The following KCND3 variants were observed in gnomAD, a reference collection of about 807,000 sequenced individuals.
KCND3 encodes the protein A-type voltage-gated potassium channel KCND3.
In KCND3, 9 loss-of-function variants were observed where a neutral mutation model predicts 51.1. The observed-to-expected ratio is 0.18, with a 90% confidence interval of 0.11 to 0.31. The LOEUF (loss-of-function observed/expected upper bound fraction) is 0.31, where lower values mean the gene tolerates loss of function less well. KCND3 is among the 10% of genes least tolerant of loss of function. The pLI, the probability that KCND3 is intolerant of heterozygous loss-of-function variation, is 1.00. For missense variants in KCND3, 526 were observed against 903.8 expected, an observed-to-expected ratio of 0.58 and a Z score of 5.36; for synonymous variants, 349 against 368.0, an observed-to-expected ratio of 0.95 and a Z score of 0.59.
chr1:111,778,964 C>T (rs905656949), intron 5 of KCND3, among the ~76,000 whole-genome samples: 13 of 152,208 alleles, frequency 8.5e-5, no homozygotes, highest in Admixed American at 7.2e-4. Flanking sequence ...TTTACACATT[C>T]CACCCAGCAC....
chr1:111,822,926 C>T (rs1666415501), intron 2 of KCND3, among the ~76,000 whole-genome samples: 1 of 152,202 alleles, frequency 6.6e-6, no homozygotes, highest in African/African-American at 2.4e-5. Flanking sequence ...AACTCTGTAA[C>T]AAGACTATGA....
At chr1:111,961,158 T>C (rs1051660125) in intron 2 of KCND3, among the ~76,000 whole-genome samples, 1 of 152,230 alleles carries the variant, frequency 6.6e-6, no homozygotes, top group East Asian at 1.9e-4. Flanking sequence ...GCCAGGATTC[T>C]GGCTGGCCAC....
intron 2 of KCND3, among the ~76,000 whole-genome samples, chr1:111,875,811 C>A (rs996194464): frequency 6.6e-6 from 1 of 152,238 alleles, no homozygotes; most frequent in Admixed American, 6.5e-5. Context: ...AACCATTAGA[C>A]CTGCACTTAG....
In KCND3 at chr1:111,780,770, G is replaced by A. The variant is rs777183510; in HGVS notation, c.1291C>T (p.Arg431Cys). The A allele has an allele frequency of 1.2e-6, 2 of 1,613,436 alleles. No homozygotes were observed. The highest frequency in any genetic ancestry group is 1.1e-5 in the South Asian group (1 of 90,690). ...AQKKARLARI[R>C]VAKTGSSNAY... ...TTCGAACTGCCTGTTTTGGCCACAC[G>A]GATCCTGGCAAGGCGGGCCTTCTGT... The change falls in exon 4 of 8, where the codon CGT becomes TGT. Residue 431 changes from arginine to cysteine, a missense_variant. Transcript: ENST00000302127. The surrounding 1 kb of genome is among the most constrained non-coding windows in gnomAD (Gnocchi z 4.2).
intron 2 of KCND3, among the ~76,000 whole-genome samples, chr1:111,857,705 G>A (rs969640639): frequency 2.0e-5 from 3 of 150,382 alleles, no homozygotes; most frequent in Non-Finnish European, 4.4e-5. Flanking sequence ...CCTCCCCAGC[G>A]CCAGGTGAAC....
chr1:111,820,692 C>G (rs1571691624), intron 2 of KCND3, among the ~76,000 whole-genome samples: 1 of 152,124 alleles, frequency 6.6e-6, no homozygotes, highest in East Asian at 1.9e-4. Context: ...CCCCTAGAAG[C>G]TAAGAAGGTG....
At chr1:111,851,922 A>G (rs1363190654) in intron 2 of KCND3, among the ~76,000 whole-genome samples, 1 of 152,244 alleles carries the variant, frequency 6.6e-6, no homozygotes, top group Admixed American at 6.5e-5. Flanking sequence ...CACGACAGCC[A>G]GCAACTTGGT....
At chr1:111,918,543 T>TA (rs1671333803) in intron 2 of KCND3, among the ~76,000 whole-genome samples, 1 of 152,128 alleles carries the variant, frequency 6.6e-6, no homozygotes, top group Admixed American at 6.5e-5. Flanking sequence ...AGACCCTCCA[T>TA]AGCTATAGTG....
Position 111,957,774 on chromosome 1 carries a change from C to T in KCND3, c.1106+23847G>A, listed in dbSNP as rs552955283. 5.7e-4 allele frequency among the ~76,000 whole-genome samples: 87 copies of T among 152,324 alleles called. 1 individual carries two copies. The highest frequency in any genetic ancestry group is 2.0e-3 in the African/African-American group (85 of 41,572). ...CTTGTTTTTATCAATAAAATTGGAA[C>T]ACAGCCATGCCCCCTCATTTACCTA... is the stretch of plus-strand genomic sequence containing the variant. On this transcript the variant is annotated intron_variant, in intron 2 of 7. Transcript: ENST00000302127.
chr1:111,937,181 G>A (rs894225366), intron 2 of KCND3, among the ~76,000 whole-genome samples: 7 of 152,204 alleles, frequency 4.6e-5, no homozygotes, highest in African/African-American at 1.7e-4. Flanking sequence ...TAAGGAACAA[G>A]GGAGAGGAGC....
chr1:111,872,722 C>A (rs914219076), intron 2 of KCND3, among the ~76,000 whole-genome samples: 4 of 152,088 alleles, frequency 2.6e-5, no homozygotes, highest in Non-Finnish European at 5.9e-5. Context: ...GAGGTTGGAG[C>A]CGGGATTCCT....
At chr1:111,806,261 C>T (rs1363477655) in intron 2 of KCND3, among the ~76,000 whole-genome samples, 4 of 152,262 alleles carry the variant, frequency 2.6e-5, no homozygotes, top group Admixed American at 6.5e-5. Context: ...CCTGCTGTTT[C>T]CCCTGGGGAC....
intron 2 of KCND3, among the ~76,000 whole-genome samples, chr1:111,944,433 C>T (rs1672680914): frequency 6.6e-6 from 1 of 152,244 alleles, no homozygotes; most frequent in African/African-American, 2.4e-5. Flanking sequence ...GGAGGCCCTT[C>T]CCAAGGAGAC....
chr1:111,938,083 A>G (rs1442733926), intron 2 of KCND3, among the ~76,000 whole-genome samples: 1 of 152,188 alleles, frequency 6.6e-6, no homozygotes, highest in Non-Finnish European at 1.5e-5. Context: ...CACTGCAGCC[A>G]AACAGGTATC....
intron 2 of KCND3, among the ~76,000 whole-genome samples, chr1:111,850,014 G>C (rs900295973): frequency 1.3e-5 from 2 of 152,246 alleles, no homozygotes; most frequent in Middle Eastern, 3.4e-3. Flanking sequence ...GCAGAGGAGA[G>C]AGCCTACCTT....
chr1:111,927,609 TTCTC>T (rs1671768662), intron 2 of KCND3, among the ~76,000 whole-genome samples: 1 of 152,152 alleles, frequency 6.6e-6, no homozygotes, highest in South Asian at 2.1e-4. Flanking sequence ...TTATATGCAT[TTCTC>T]TCTTTCTTCT....
At chr1:111,919,052 C>T (rs1023592887) in intron 2 of KCND3, among the ~76,000 whole-genome samples, 1 of 151,656 alleles carries the variant, frequency 6.6e-6, no homozygotes, top group Admixed American at 6.6e-5. Flanking sequence ...AGCCTGAGCT[C>T]AGGGCATCAT....
intron 2 of KCND3, among the ~76,000 whole-genome samples, chr1:111,897,484 G>T (rs184702491): frequency 1.3e-5 from 2 of 152,210 alleles, no homozygotes; most frequent in African/African-American, 4.8e-5. Context: ...AGGCACACAG[G>T]CCTCATCTGT....
intron 2 of KCND3, among the ~76,000 whole-genome samples, chr1:111,939,755 T>C (rs937622670): frequency 1.3e-5 from 2 of 152,258 alleles, no homozygotes; most frequent in Non-Finnish European, 2.9e-5. Context: ...ATGGGATTGC[T>C]GGGTCAAATG....
Sources: gnomAD v4.1 joint callset for allele counts (sites outside exome capture counted in the v4.1 genomes callset) on GRCh38, gnomAD v4.1.1 for gene constraint, Gnocchi (gnomAD v3.1) non-coding constraint, MANE v1.5 for transcripts, NCBI Gene and HGNC (gene_info 2026-07-23, HGNC 2026-07-21) for gene names.